The following PIEZO1 variants were observed in gnomAD, a reference collection of about 807,000 sequenced individuals.
PIEZO1 encodes piezo type mechanosensitive ion channel component 1 (Er blood group).
In PIEZO1, 296 loss-of-function variants were observed where a neutral mutation model predicts 297.2. The observed-to-expected ratio is 1.00, with a 90% CI of 0.91 to 1.10. The LOEUF (loss-of-function observed/expected upper bound fraction) is 1.10. Among genes scored for constraint, PIEZO1 ranks in the 50% least tolerant of loss-of-function variants. PIEZO1 has a pLI of 0.00. For missense variants in PIEZO1, 5,018 were observed against 3,455.5 expected (o/e 1.45, Z -11.34); for synonymous variants, 2,427 against 1,507.5 (o/e 1.61, Z -14.13).
intron 32 of PIEZO1, 35 bp downstream of exon 32, chr16:88,723,191 G>T (rs1266271944): frequency 4.5e-6 from 7 of 1,549,132 alleles, no homozygotes; most frequent in Non-Finnish European, 6.1e-6. Flanking sequence ...CAGTCCCGCG[G>T]CTTCCCCTCA....
At chr16:88,724,763 G>A (rs994018852) in intron 30 of PIEZO1, among the ~76,000 whole-genome samples, 3 of 152,212 alleles carry the variant, frequency 2.0e-5, no homozygotes, top group African/African-American at 4.8e-5. Context: ...CGACCACCAT[G>A]TGTCATCGGG....
intron 1 of PIEZO1, among the ~76,000 whole-genome samples, chr16:88,779,674 G>A (rs1276756339): frequency 3.3e-5 from 5 of 152,232 alleles, no homozygotes; most frequent in African/African-American, 7.2e-5. Context: ...CCCTGGGGAC[G>A]CGCTGTGTGT....
intron 1 of PIEZO1, among the ~76,000 whole-genome samples, chr16:88,763,812 A>C (rs1440799213): frequency 6.6e-6 from 1 of 152,222 alleles, no homozygotes; most frequent in Non-Finnish European, 1.5e-5. Context: ...CGCCCCCAGC[A>C]TTCCAGACTA....
intron 22 of PIEZO1, among the ~76,000 whole-genome samples, chr16:88,730,837 A>T (rs538621201): frequency 6.6e-6 from 1 of 152,366 alleles, no homozygotes; most frequent in African/African-American, 2.4e-5. Context: ...GAAAGCAGCC[A>T]GTAACAAATG....
At chr16:88,740,217 C>G (rs879615516) in intron 5 of PIEZO1, 4 of 152,254 alleles carry the variant, frequency 2.6e-5, no homozygotes, top group Middle Eastern at 3.2e-3. Context: ...GGGGGCCCTG[C>G]CAGGCCGGGT....
Position 88,715,399 on chromosome 16 carries a change from CGTG to C in PIEZO1, c.*203_*205del. ...ATTAAAAAAAAAACTCTACAGTACA[CGTG>C]GGGGACGGCAGCGCCACGCAGGCCG... On this transcript the variant is annotated 3_prime_UTR_variant, in exon 51 of 51. Transcript: ENST00000301015. 1 of 1,003,916 alleles carries C rather than the reference CGTG, an allele frequency of 1.0e-6. No homozygotes were observed. Among genetic ancestry groups the C allele is most frequent in the Non-Finnish European group, 1.4e-6 (1 of 698,132 alleles). 62.2% of individuals were successfully genotyped at this position (1,003,916 alleles called of 1,614,324 possible).
intron 1 of PIEZO1, among the ~76,000 whole-genome samples, chr16:88,769,014 G>A (rs1907302719): frequency 6.6e-6 from 1 of 152,224 alleles, no homozygotes. Context: ...AAGTACGCTA[G>A]GACACAGCAG....
chr16:88,730,597 CAAAAAAAAAAAA>C (rs59142015), intron 22 of PIEZO1, among the ~76,000 whole-genome samples: 1 of 84,298 alleles, frequency 1.2e-5, no homozygotes, highest in African/African-American at 5.2e-5. Flanking sequence ...GACTCCATCT[CAAAAAAAAAAAA>C]AAAAAAAAAA....
Position 88,720,486 on chromosome 16 carries a change from G to C in PIEZO1, c.5848C>G (p.Leu1950Val). ...RPLRRFFHDI[L>V]HTKYRAATDV... The stretch of plus-strand genomic sequence containing the variant: ...GTGGCTGCGCGGTACTTGGTGTGCA[G>C]GATGTCGTGGAAGAAGCGCCGTAGC... The change falls in exon 41 of 51, where the codon CTG becomes GTG. Residue 1950 changes from leucine (L) to valine (V), a missense_variant. Coordinates refer to ENST00000301015, the MANE Select transcript of PIEZO1 (RefSeq NM_001142864.4). 6.4e-7 allele frequency: 1 copy of C among 1,550,410 alleles called. No homozygotes were observed. Among genetic ancestry groups the C allele is most frequent in the Non-Finnish European group, 8.7e-7 (1 of 1,146,952 alleles).
intron 41 of PIEZO1, 41 bp downstream of exon 41, chr16:88,720,344 A>C: frequency 6.5e-7 from 1 of 1,550,044 alleles, no homozygotes; most frequent in South Asian, 1.2e-5. Flanking sequence ...GTGGCTGCTG[A>C]GCTCTGCGTA....
intron 1 of PIEZO1, among the ~76,000 whole-genome samples, chr16:88,763,148 T>G (rs556021795): frequency 8.1e-4 from 124 of 152,284 alleles, no homozygotes; most frequent in African/African-American, 2.9e-3. Context: ...GGCCAGCTGG[T>G]GAGCTAGCAG....
At chr16:88,731,620 C>T (rs1295619757) in intron 22 of PIEZO1, 86 bp downstream of exon 22, 36 of 1,016,590 alleles carry the variant, frequency 3.5e-5, no homozygotes, top group Non-Finnish European at 4.4e-5. Flanking sequence ...GGAGGGTGGA[C>T]AGGAGTCTGG....
At chr16:88,749,515 G>C (rs1404284792) in intron 1 of PIEZO1, 36 bp from the exon 2 acceptor site, 1 of 1,459,662 alleles carries the variant, frequency 6.9e-7, no homozygotes, top group African/African-American at 1.4e-5. Context: ...GTCGCCAACA[G>C]AGGATGGCCA....
intron 43 of PIEZO1, 39 bp downstream of exon 43, chr16:88,719,763 C>T: frequency 6.5e-7 from 1 of 1,550,262 alleles, no homozygotes; most frequent in Non-Finnish European, 8.7e-7. Flanking sequence ...CTCCCTCATG[C>T]CCGGGCCGTG....
At chr16:88,741,701 A>AGC (rs1279725676) in intron 4 of PIEZO1, 85 bp from the exon 5 acceptor site, 103 of 1,086,128 alleles carry the variant, frequency 9.5e-5, no homozygotes, top group Admixed American at 2.0e-4. Flanking sequence ...TGCGGGTGGG[A>AGC]GTGTGGATGG....
At chr16:88,719,357 A>G (rs1912263767) in intron 44 of PIEZO1, 3 of 565,632 alleles carry the variant, frequency 5.3e-6, no homozygotes, top group South Asian at 4.1e-5. Context: ...GAACAGGACC[A>G]ACTCCGCTGC....
intron 1 of PIEZO1, among the ~76,000 whole-genome samples, chr16:88,764,307 C>G (rs541885792): frequency 6.6e-6 from 1 of 152,198 alleles, no homozygotes; most frequent in Non-Finnish European, 1.5e-5. Context: ...CCATATAACC[C>G]ATTCTCCAGA....
Position 88,742,310 on chromosome 16 carries a change from C to G in PIEZO1, c.273G>C (p.Leu91=). The G allele has an allele frequency of 6.5e-7, 1 of 1,533,500 alleles. No individual in the cohort carries two copies. The highest frequency in any genetic ancestry group is 2.0e-5 in the Admixed American group (1 of 50,506). 95.0% of individuals were successfully genotyped at this position (1,533,500 alleles called of 1,614,324 possible). A position where few individuals can be genotyped will look rare whatever the true frequency, so the allele number is the denominator to read the frequency against. The change falls in exon 3 of 51, where the codon CTG becomes CTC. Residue 91 remains leucine, a synonymous_variant. Coordinates refer to ENST00000301015, the MANE Select transcript of PIEZO1 (RefSeq NM_001142864.4). ...CCCTCAGCGACTCACAGCTGGGTCC[C>G]AGGAGCTGGTCCAGGCGGGGCACAA... ...LHIVPRLDQL[L]GPSCSRWETL...
At chr16:88,765,425 G>T (rs1907129373) in intron 1 of PIEZO1, among the ~76,000 whole-genome samples, 1 of 152,172 alleles carries the variant, frequency 6.6e-6, no homozygotes, top group Non-Finnish European at 1.5e-5. Context: ...TACTTCTGCA[G>T]GAGACTGGGG....
Sources: allele counts gnomAD v4.1 joint callset (sites outside exome capture counted in the v4.1 genomes callset), GRCh38; gene constraint gnomAD v4.1.1; transcripts MANE v1.5; gene names NCBI Gene and HGNC (gene_info 2026-07-23, HGNC 2026-07-21).